The following MYH9 variants were observed in gnomAD, a reference collection of about 807,000 sequenced individuals.
MYH9 encodes the protein myosin heavy chain 9.
A neutral mutation model predicts 241.9 loss-of-function variants in MYH9; 29 were observed. The observed-to-expected ratio is 0.12, with a 90% CI of 0.09 to 0.16. The LOEUF (loss-of-function observed/expected upper bound fraction) is 0.16, where lower values mean the gene tolerates loss of function less well. Ranked by LOEUF, MYH9 falls within the 10% of genes least tolerant of loss-of-function variation. The pLI, the probability that MYH9 is intolerant of heterozygous loss-of-function variation, is 1.00. For synonymous variants in MYH9, 1,047 were observed against 1,062.6 expected (o/e 0.99, Z 0.29); for missense variants, 1,803 against 2,595.5 (o/e 0.69, Z 6.63).
intron 3 of MYH9, among the ~76,000 whole-genome samples, chr22:36,337,224 G>A (rs983799403): frequency 6.6e-6 from 1 of 152,216 alleles, no homozygotes; most frequent in East Asian, 1.9e-4. Context: ...GAGAGGGAAG[G>A]TGTAGCTGGC....
chr22:36,296,932 G>A lies in MYH9; in HGVS notation c.3183C>T (p.Ser1061=), dbSNP rs778202463. Reference sequence around the variant, plus strand: ...GGGCCTGGAGCTCGGCGATCTGGTCGCTGAGGTCTGTGGAGTCTCCCTCCA... The same window carrying A: ...GGGCCTGGAGCTCGGCGATCTGGTCACTGAGGTCTGTGGAGTCTCCCTCCA... ...RKLEGDSTDL[S]DQIAELQAQI... The change falls in exon 25 of 41, where the codon AGC becomes AGT. Residue 1061 remains serine (S), a synonymous_variant. Coordinates refer to ENST00000216181, the MANE Select transcript of MYH9 (RefSeq NM_002473.6). 1.2e-5 allele frequency: 19 copies of A among 1,613,896 alleles called. No homozygotes were observed. The highest frequency in any genetic ancestry group is 1.6e-4 in the Middle Eastern group (1 of 6,080).
intron 1 of MYH9, among the ~76,000 whole-genome samples, chr22:36,357,386 C>A (rs1335678592): frequency 1.3e-5 from 2 of 152,134 alleles, no homozygotes. Flanking sequence ...CAAAACGATG[C>A]CACGGCACTA....
In MYH9 at chr22:36,352,611, C is replaced by CCT. The variant is rs372260189; in HGVS notation, c.-19-3358_-19-3357dup. ...TCCACCCAACCAACTGCCCTCAGAA[C>CCT]CTCACCCTGTCCGACTTTCAGGCTT... On this transcript the variant is annotated intron_variant, in intron 1 of 40. Coordinates refer to ENST00000216181, the MANE Select transcript of MYH9 (RefSeq NM_002473.6). Among the ~76,000 whole-genome samples, 451 of 152,326 alleles carry CCT rather than the reference C, an allele frequency of 3.0e-3. 2 individuals carry two copies. Among genetic ancestry groups the CCT allele is most frequent in the African/African-American group, 9.7e-3 (404 of 41,580 alleles).
chr22:36,321,198 G>A (rs568137314), intron 7 of MYH9, among the ~76,000 whole-genome samples: 393 of 152,310 alleles, frequency 2.6e-3, no homozygotes, highest in Non-Finnish European at 4.4e-3. Context: ...ACCCACCTTA[G>A]CTTCCCAAAG....
Position 36,320,741 on chromosome 22 carries a change from T to C in MYH9, c.868+57A>G. On this transcript the variant is annotated intron_variant, in intron 8 of 40. Coordinates refer to ENST00000216181, the MANE Select transcript of MYH9 (RefSeq NM_002473.6). This position sits in a 1 kb window ranked among gnomAD's most constrained non-coding sequence, Gnocchi z 4.8. ...CCAAATGATGTCTACGGTCCAATTCTGGCAAGAGGCCCAGAGCCCGGCAGC... is the reference window on the plus strand; with the variant it reads ...CCAAATGATGTCTACGGTCCAATTCCGGCAAGAGGCCCAGAGCCCGGCAGC... 6.9e-7 allele frequency: 1 copy of C among 1,455,840 alleles called. No individual in the cohort carries two copies. Among genetic ancestry groups the C allele is most frequent in the Non-Finnish European group, 9.6e-7 (1 of 1,039,698 alleles). 90.2% of individuals were successfully genotyped at this position (1,455,840 alleles called of 1,614,324 possible).
Position 36,316,552 on chromosome 22 carries a change from C to T in MYH9, c.1345G>A (p.Gly449Arg). 2 of 1,614,046 alleles carry T rather than the reference C, an allele frequency of 1.2e-6. No homozygotes were observed. The highest frequency in any genetic ancestry group is 1.7e-6 in the Non-Finnish European group (2 of 1,180,012). Reference protein sequence around the residue: ...KTKRQGASFIGILDIAGFEIF... With the variant: ...KTKRQGASFIRILDIAGFEIF... ...TCGAAGCCGGCAATGTCCAGGATCC[C>T]GATGAAGGAGGCGCCCTGCCTCTTG... Residue 449 changes from glycine to arginine, a missense_variant, in exon 12 of 41, where the codon GGG (glycine) becomes AGG (arginine). Transcript: ENST00000216181.
At chr22:36,347,726 T>C (rs1180831991) in intron 2 of MYH9, among the ~76,000 whole-genome samples, 4 of 149,794 alleles carry the variant, frequency 2.7e-5, no homozygotes, top group African/African-American at 9.9e-5. Flanking sequence ...CAGAGCTACT[T>C]TGGGAGGCTG....
chr22:36,286,106 GC>G (rs1280340196), intron 35 of MYH9, 153 bp from the exon 36 acceptor site: 1 of 760,492 alleles, frequency 1.3e-6, no homozygotes, highest in Non-Finnish European at 2.3e-6. Flanking sequence ...CAGGGCTGGT[GC>G]CCCCCTGAAG....
Position 36,349,134 on chromosome 22 carries a change from G to C in MYH9, c.103C>G (p.Pro35Ala). ...DWAAKKLVWV[P>A]SDKSGFEPAS... Reference sequence around the variant, plus strand: ...GGCTCAAAGCCACTCTTGTCGGAAGGCACCCATACCAGCTTCTTGGCAGCC... The same window carrying C: ...GGCTCAAAGCCACTCTTGTCGGAAGCCACCCATACCAGCTTCTTGGCAGCC... Residue 35 changes from proline to alanine, a missense_variant, in exon 2 of 41, where the codon CCT (proline) becomes GCT (alanine). Physicochemically the swap from Pro to Ala is conservative, Grantham distance 27 (BLOSUM62 -1). Around this residue, in one of 11 missense-constraint regions of MYH9, gnomAD observed 75 missense variants for 79.1 expected, o/e 0.95. Coordinates refer to ENST00000216181, the MANE Select transcript of MYH9 (RefSeq NM_002473.6). 6.2e-7 allele frequency: 1 copy of C among 1,614,146 alleles called. No homozygotes were observed. The highest frequency in any genetic ancestry group is 8.5e-7 in the Non-Finnish European group (1 of 1,179,978).
Position 36,301,010 on chromosome 22 carries a change from G to T in MYH9, c.2679C>A (p.Thr893=), listed in dbSNP as rs145476120. 8.1e-6 allele frequency: 13 copies of T among 1,611,624 alleles called. No homozygotes were observed. The African/African-American group carries it at 1.6e-4, about 20-fold the overall frequency. The stretch of plus-strand genomic sequence containing the variant: ...GCTCCTCAGCCTCGGCACACAGCTC[G>T]GTTTCTGCCTGGAGCTGCTCCTGCA... The part of the protein sequence containing the change: ...LQLQEQLQAE[T]ELCAEAEELR... The change falls in exon 22 of 41, where the codon ACC becomes ACA. Residue 893 remains threonine, a synonymous_variant. Coordinates refer to ENST00000216181, the MANE Select transcript of MYH9 (RefSeq NM_002473.6).
In MYH9 at chr22:36,349,346, G is replaced by A; in HGVS notation, c.-19-91C>T. 4 of 947,956 alleles carry A rather than the reference G, an allele frequency of 4.2e-6. No homozygotes were observed. The South Asian group carries it at 5.6e-5, about 13-fold the overall frequency. The allele number at this position is 947,956 out of a possible 1,614,324, so 58.7% of individuals were successfully genotyped here. ...CTCACACCTCTTCTCTTTGCAAACT[G>A]TATAGGATTAAGACACAGTAAAACT... On this transcript the variant is annotated intron_variant, in intron 1 of 40. Coordinates refer to ENST00000216181, the MANE Select transcript of MYH9 (RefSeq NM_002473.6).
At position 36,320,159 on chromosome 22, in the gene MYH9, AGGCCG is replaced by A; in HGVS notation, c.1012+56_1012+60del. The A allele has an allele frequency of 6.2e-7, 1 of 1,608,852 alleles. No individual in the cohort carries two copies. The highest frequency in any genetic ancestry group is 1.3e-5 in the African/African-American group (1 of 74,116). On this transcript the variant is annotated intron_variant, in intron 9 of 40. Transcript: ENST00000216181. The surrounding 1 kb of genome is among the most constrained non-coding windows in gnomAD (Gnocchi z 4.8). ...GCCCATCGGCTACCCTGATGCCCCG[AGGCCG>A]TGGGTACCAGCCTTCCTCTGCCCCA...
At chr22:36,323,858 G>A (rs977622541) in intron 5 of MYH9, among the ~76,000 whole-genome samples, 1 of 152,252 alleles carries the variant, frequency 6.6e-6, no homozygotes. Flanking sequence ...GGCCAGGTCA[G>A]AGGGCAGGGG....
intron 1 of MYH9, among the ~76,000 whole-genome samples, chr22:36,354,976 C>CACACACACACACAG: frequency 6.6e-6 from 1 of 151,038 alleles, no homozygotes; most frequent in Non-Finnish European, 1.5e-5. Context: ...CACACACACA[C>CACACACACACACAG]ACACACACAC....
chr22:36,293,699 C>T lies in MYH9; in HGVS notation c.3942+60G>A, dbSNP rs1002549685. ...CCGATGGGCTCTGAAGCTAATGTTG[C>T]GTGGACACAGAGGCCTTTCTGGAGG... On this transcript the variant is annotated intron_variant, in intron 29 of 40. Coordinates refer to ENST00000216181, the MANE Select transcript of MYH9 (RefSeq NM_002473.6). This position sits in a 1 kb window ranked among gnomAD's most constrained non-coding sequence, Gnocchi z 5.1. The T allele has an allele frequency of 5.5e-6, 8 of 1,467,842 alleles. No individual in the cohort carries two copies. Among genetic ancestry groups the T allele is most frequent in the African/African-American group, 2.8e-5 (2 of 71,822 alleles). The allele number at this position is 1,467,842 out of a possible 1,614,324, so 90.9% of individuals were successfully genotyped here.
At chr22:36,356,755 G>A (rs141770254) in intron 1 of MYH9, among the ~76,000 whole-genome samples, 3 of 152,268 alleles carry the variant, frequency 2.0e-5, no homozygotes, top group East Asian at 1.9e-4. Context: ...ATGAGGTCGC[G>A]CGGCAGGACG....
At chr22:36,287,208 C>T (rs1020753094) in intron 34 of MYH9, among the ~76,000 whole-genome samples, 1 of 152,228 alleles carries the variant, frequency 6.6e-6, no homozygotes, top group African/African-American at 2.4e-5. Context: ...AGGCAGGAAA[C>T]ACCTTTCCTT....
chr22:36,379,864 G>A (rs1313718803), intron 1 of MYH9, among the ~76,000 whole-genome samples: 3 of 152,218 alleles, frequency 2.0e-5, no homozygotes, highest in East Asian at 1.9e-4. Context: ...ACACCTGCCC[G>A]GGTGCTGAAT....
At position 36,306,715 on chromosome 22, in the gene MYH9, C is replaced by T; in HGVS notation, c.1844-108G>A. 1 of 1,111,306 alleles carries T rather than the reference C, an allele frequency of 9.0e-7. No homozygotes were observed. The highest frequency in any genetic ancestry group is 1.3e-6 in the Non-Finnish European group (1 of 759,792). The allele number at this position is 1,111,306 out of a possible 1,614,324, so 68.8% of individuals were successfully genotyped here. A position where few individuals can be genotyped will look rare whatever the true frequency, so the allele number is the denominator to read the frequency against. On this transcript the variant is annotated intron_variant, in intron 15 of 40. Transcript: ENST00000216181. The surrounding 1 kb of genome is among the most constrained non-coding windows in gnomAD (Gnocchi z 4.1). ...ACACGTCGGACAGGAAAAGAGGAGA[C>T]AGAATGAAACAACAGGACCCTTTCC...
Sources: allele counts gnomAD v4.1 joint callset (sites outside exome capture counted in the v4.1 genomes callset), GRCh38; gene constraint gnomAD v4.1.1; regional missense constraint gnomAD v4.1.1; non-coding constraint Gnocchi (gnomAD v3.1); transcripts MANE v1.5; gene names NCBI Gene and HGNC (gene_info 2026-07-23, HGNC 2026-07-21).